The following TATDN3 variants were observed in gnomAD, a reference collection of about 807,000 sequenced individuals.
TATDN3 encodes TatD DNase domain containing 3.
Under a neutral mutation model 40.1 loss-of-function variants are expected in TATDN3, and 29 were observed. That is an observed-to-expected ratio of 0.72 (90% CI 0.54 to 0.99). The LOEUF (loss-of-function observed/expected upper bound fraction) is 0.99. TATDN3 is among the 50% of genes least tolerant of loss of function. TATDN3 has a pLI of 0.00. For missense variants in TATDN3, 309 were observed against 321.9 expected (o/e 0.96, Z 0.31); for synonymous variants, 105 against 117.0 (o/e 0.90, Z 0.66).
At chr1:212,797,749 A>C (rs1490918816) in intron 4 of TATDN3, 3 of 152,646 alleles carry the variant, frequency 2.0e-5, no homozygotes, top group African/African-American at 4.8e-5. Context: ...GGAACAGATT[A>C]GTTCAAGTAA....
At chr1:212,799,988 T>C (rs2940085) in intron 4 of TATDN3, among the ~76,000 whole-genome samples, 12,591 of 152,204 alleles carry the variant, frequency 0.083, 809 homozygotes, top group African/African-American at 0.17. Context: ...TCCTGCTGAT[T>C]AGATTATAAA....
In TATDN3 at chr1:212,802,681, T is replaced by G; in HGVS notation, c.259-20T>G. The G allele has an allele frequency of 6.3e-7, 1 of 1,576,250 alleles. No individual in the cohort carries two copies. The highest frequency in any genetic ancestry group is 1.1e-5 in the South Asian group (1 of 90,366). ...CAGTTCCTTTCTTCCATTTTAACAA[T>G]TTTACTTTTTTTCTCCCAGGATTTG... On this transcript the variant is annotated intron_variant, in intron 4 of 9. Transcript: ENST00000366974.
At chr1:212,813,183 A>T (rs1378702311) in intron 9 of TATDN3, among the ~76,000 whole-genome samples, 1 of 152,180 alleles carries the variant, frequency 6.6e-6, no homozygotes, top group Non-Finnish European at 1.5e-5. Context: ...TCATGGGTTT[A>T]TTTATATGAT....
intron 7 of TATDN3, 36 bp from the exon 8 acceptor site, chr1:212,807,700 A>G: frequency 6.7e-7 from 1 of 1,500,166 alleles, no homozygotes; most frequent in Non-Finnish European, 9.1e-7. Context: ...GATGGGACAT[A>G]AAATGGAATA....
chr1:212,792,632 CAA>C (rs752952752), intron 1 of TATDN3, among the ~76,000 whole-genome samples: 39 of 75,078 alleles, frequency 5.2e-4, no homozygotes, highest in South Asian at 9.1e-4. Flanking sequence ...GACCCTGTCT[CAA>C]AAAAAAAAAA....
chr1:212,798,974 G>A (rs561366788), intron 4 of TATDN3, among the ~76,000 whole-genome samples: 53 of 152,316 alleles, frequency 3.5e-4, no homozygotes, highest in African/African-American at 1.1e-3. Flanking sequence ...CATCAAGGAA[G>A]GACTCTGGTA....
chr1:212,810,297 G>A (rs1662788976), intron 8 of TATDN3, among the ~76,000 whole-genome samples: 1 of 151,836 alleles, frequency 6.6e-6, no homozygotes, highest in Non-Finnish European at 1.5e-5. Flanking sequence ...ATCACGACGT[G>A]GTCAGGAGAT....
rs957788022 is a variant in TATDN3 at position 212,815,442 on chromosome 1, A to G, written c.*286A>G. ...CCTTTTATATAGAACCACCACCTGA[A>G]CTGAAACCATTGCTACTGGGAAGGG... is the stretch of plus-strand genomic sequence containing the variant. On this transcript the variant is annotated 3_prime_UTR_variant, in exon 10 of 10. Coordinates refer to ENST00000366974, the MANE Select transcript of TATDN3 (RefSeq NM_001042552.3). The G allele has an allele frequency of 7.4e-6, 2 of 268,908 alleles. No homozygotes were observed. Among genetic ancestry groups the G allele is most frequent in the African/African-American group, 4.5e-5 (2 of 44,748 alleles). 16.7% of individuals were successfully genotyped at this position (268,908 alleles called of 1,614,324 possible). A position where few individuals can be genotyped will look rare whatever the true frequency, so the allele number is the denominator to read the frequency against.
intron 7 of TATDN3, among the ~76,000 whole-genome samples, chr1:212,807,304 G>A (rs1347914371): frequency 1.3e-5 from 2 of 152,014 alleles, no homozygotes; most frequent in Non-Finnish European, 2.9e-5. Flanking sequence ...CCAGCCTAGA[G>A]TGCAGTGGTG....
intron 8 of TATDN3, among the ~76,000 whole-genome samples, chr1:212,809,936 A>T (rs1662763099): frequency 6.6e-6 from 1 of 150,792 alleles, no homozygotes; most frequent in Admixed American, 6.6e-5. Context: ...AGGCAGGAGA[A>T]TCACTTGAAC....
intron 4 of TATDN3, among the ~76,000 whole-genome samples, chr1:212,799,598 C>T (rs891033065): frequency 1.3e-5 from 2 of 150,890 alleles, no homozygotes; most frequent in Non-Finnish European, 2.9e-5. Context: ...AGTGCAGTGG[C>T]GCCATCTCGG....
chr1:212,808,876 C>T (rs1202533122), intron 8 of TATDN3, among the ~76,000 whole-genome samples: 1 of 152,098 alleles, frequency 6.6e-6, no homozygotes, highest in Non-Finnish European at 1.5e-5. Flanking sequence ...AACATATGTC[C>T]ACACAAAAAC....
chr1:212,794,280 CAA>C (rs60474401), intron 1 of TATDN3, among the ~76,000 whole-genome samples: 13 of 93,080 alleles, frequency 1.4e-4, no homozygotes, highest in Non-Finnish European at 1.3e-4. Context: ...GACTCCATCT[CAA>C]AAAAAAAAAA....
chr1:212,806,747 C>CTCCATAT (rs1558083475), intron 7 of TATDN3, among the ~76,000 whole-genome samples: 2 of 43,988 alleles, frequency 4.5e-5, no homozygotes, highest in Non-Finnish European at 4.4e-5. Flanking sequence ...TCTCTCTCTC[C>CTCCATAT]ATATATATAT....
intron 4 of TATDN3, among the ~76,000 whole-genome samples, chr1:212,798,081 C>T (rs1661903574): frequency 6.6e-6 from 1 of 152,006 alleles, no homozygotes; most frequent in South Asian, 2.1e-4. Context: ...AATCCCAGCA[C>T]TTTGGTAGGC....
intron 1 of TATDN3, 160 bp from the exon 2 acceptor site, chr1:212,794,935 G>A (rs1322332464): frequency 2.1e-5 from 14 of 653,948 alleles, no homozygotes; most frequent in Non-Finnish European, 3.6e-5. Context: ...GATAGTAAGA[G>A]TAAACAGGAA....
chr1:212,794,571 CAA>C (rs1052489063), intron 1 of TATDN3: 4 of 340,060 alleles, frequency 1.2e-5, no homozygotes, highest in Admixed American at 3.8e-5. Flanking sequence ...AGCTGGGAGA[CAA>C]GAGTGAAACT....
rs1198484198 is a variant in TATDN3 at position 212,815,126 on chromosome 1, T to G, written c.795T>G (p.Phe265Leu). ...CGACACAGAATGCATTAAAACTGTT[T>G]CCTAAGCTCCGACACTTGCTCCAGA... ...EVTTQNALKLFPKLRHLLQK is the reference protein window; with the variant it reads ...EVTTQNALKLLPKLRHLLQK Residue 265 changes from phenylalanine to leucine, a missense_variant, in exon 10 of 10, where the codon TTT becomes TTG. By Grantham distance (22) the Phe-to-Leu change is conservative. Transcript: ENST00000366974. 1.9e-6 allele frequency: 3 copies of G among 1,613,156 alleles called. No individual in the cohort carries two copies. Among genetic ancestry groups the G allele is most frequent in the East Asian group, 2.2e-5 (1 of 44,874 alleles).
chr1:212,815,259 G>T lies in TATDN3; in HGVS notation c.*103G>T. ...TCTGAACTGAAGAAGCTGTTTTATA[G>T]GGTTATAGAAGATTGTAATTGTAGA... On this transcript the variant is annotated 3_prime_UTR_variant, in exon 10 of 10. Coordinates refer to ENST00000366974, the MANE Select transcript of TATDN3 (RefSeq NM_001042552.3). 2 of 1,321,670 alleles carry T rather than the reference G, an allele frequency of 1.5e-6. No homozygotes were observed. The highest frequency in any genetic ancestry group is 2.4e-5 in the East Asian group (1 of 40,818). 81.9% of individuals were successfully genotyped at this position (1,321,670 alleles called of 1,614,324 possible).
Sources: gnomAD v4.1 joint callset for allele counts (sites outside exome capture counted in the v4.1 genomes callset) on GRCh38, gnomAD v4.1.1 for gene constraint, MANE v1.5 for transcripts, NCBI Gene and HGNC (gene_info 2026-07-23, HGNC 2026-07-21) for gene names.